EIF3M: variants seen among roughly 807,000 people sequenced by gnomAD.
The protein encoded by EIF3M is B5 receptor.
In EIF3M, 25 loss-of-function variants were observed where a neutral mutation model predicts 49.7. That is an observed-to-expected ratio of 0.50 (90% confidence interval 0.37 to 0.70). EIF3M has a LOEUF of 0.70. Among genes scored for constraint, EIF3M ranks in the 30% least tolerant of loss-of-function variants. EIF3M has a pLI of 0.00. For missense variants in EIF3M, 350 were observed against 440.0 expected (o/e 0.80, Z 1.83); for synonymous variants, 156 against 149.8 (o/e 1.04, Z -0.30).
At chr11:32,592,310 G>C (rs942172948) in intron 5 of EIF3M, 17 of 531,718 alleles carry the variant, frequency 3.2e-5, no homozygotes, top group South Asian at 1.7e-4. Flanking sequence ...ATTTTATCAT[G>C]ATCATCAAAA....
chr11:32,592,680 T>C, intron 5 of EIF3M: 1 of 506,582 alleles, frequency 2.0e-6, no homozygotes, highest in Non-Finnish European at 3.9e-6. Context: ...CTTAAAATGT[T>C]CTCTAAAACT....
Position 32,589,613 on chromosome 11 carries a change from T to C in EIF3M, c.505T>C (p.Tyr169His). Residue 169 changes from tyrosine to histidine, a missense_variant, in exon 5 of 11, where the codon TAT (tyrosine) becomes CAT (histidine). Physicochemically the swap from Tyr to His is moderately conservative, Grantham distance 83. Coordinates refer to ENST00000531120, the MANE Select transcript of EIF3M (RefSeq NM_006360.6). ...AAAGCACACCCTTTTAAGACTACTTTATGAGGCACTTGTGGATTGTAAGAA... is the reference window on the plus strand; with the variant it reads ...AAAGCACACCCTTTTAAGACTACTTCATGAGGCACTTGTGGATTGTAAGAA... ...EKKHTLLRLL[Y>H]EALVDCKKSD... 6.2e-7 allele frequency: 1 copy of C among 1,614,166 alleles called. No homozygotes were observed. Among genetic ancestry groups the C allele is most frequent in the South Asian group, 1.1e-5 (1 of 91,080 alleles).
In EIF3M at chr11:32,588,691, C is replaced by A; in HGVS notation, c.273C>A (p.Val91=). The A allele has an allele frequency of 6.2e-7, 1 of 1,614,166 alleles. No individual in the cohort carries two copies. Among genetic ancestry groups the A allele is most frequent in the Non-Finnish European group, 8.5e-7 (1 of 1,180,044 alleles). ...ALIESLCEKL[V]KFREGERPSL... is the part of the protein sequence containing the mutation. ...TTGAAAGCCTATGTGAAAAGCTGGTCAAATTTCGCGAAGGTGAACGCCCGT... is the reference window on the plus strand; with the variant it reads ...TTGAAAGCCTATGTGAAAAGCTGGTAAAATTTCGCGAAGGTGAACGCCCGT... Residue 91 remains valine (V), a synonymous_variant, in exon 3 of 11, where the codon GTC becomes GTA. Coordinates refer to ENST00000531120, the MANE Select transcript of EIF3M (RefSeq NM_006360.6).
intron 2 of EIF3M, 98 bp from the exon 3 acceptor site, chr11:32,588,496 A>G (rs947264197): frequency 1.5e-6 from 2 of 1,353,290 alleles, no homozygotes; most frequent in Non-Finnish European, 2.0e-6. Flanking sequence ...CTTACATTTG[A>G]TGGTCTTCAT....
In EIF3M at chr11:32,599,416, T is replaced by C. The variant is rs1306736577; in HGVS notation, c.800-1273T>C. ...GAATCTGTGCCAAATAGGAAGCCTG[T>C]ATCATAATTACAGCTAATTAACAGA... On this transcript the variant is annotated intron_variant, in intron 8 of 10. Coordinates refer to ENST00000531120, the MANE Select transcript of EIF3M (RefSeq NM_006360.6). Among the ~76,000 whole-genome samples the C allele has an allele frequency of 2.0e-5, 3 of 152,156 alleles. No homozygotes were observed. In the East Asian group the frequency reaches 5.8e-4, roughly 29 times the overall value.
intron 8 of EIF3M, among the ~76,000 whole-genome samples, chr11:32,596,863 C>A (rs1280938472): frequency 1.3e-5 from 2 of 152,158 alleles, no homozygotes; most frequent in South Asian, 4.2e-4. Flanking sequence ...TCAGATCACA[C>A]TGCTGCACTC....
intron 9 of EIF3M, chr11:32,601,508 A>G: frequency 4.3e-6 from 1 of 234,794 alleles, no homozygotes; most frequent in Non-Finnish European, 8.3e-6. Context: ...CTTTAAAAAA[A>G]AAAAAAAAAA....
intron 3 of EIF3M, 111 bp from the exon 4 acceptor site, chr11:32,588,901 G>A (rs749045406): frequency 1.3e-4 from 199 of 1,532,886 alleles, no homozygotes; most frequent in Non-Finnish European, 1.6e-4. Flanking sequence ...TTCCTCCTTT[G>A]TAATATGAAG....
intron 8 of EIF3M, among the ~76,000 whole-genome samples, chr11:32,599,615 CA>C (rs1198497569): frequency 2.6e-5 from 4 of 151,782 alleles, no homozygotes; most frequent in Non-Finnish European, 5.9e-5. Context: ...TTACATAGTT[CA>C]AAAGTTCAGA....
intron 2 of EIF3M, among the ~76,000 whole-genome samples, chr11:32,588,247 G>A (rs1855031323): frequency 6.6e-6 from 1 of 151,958 alleles, no homozygotes; most frequent in Non-Finnish European, 1.5e-5. Context: ...AAATTAGCCG[G>A]GCGTGGTGGC....
At chr11:32,594,472 A>T (rs997125847) in intron 6 of EIF3M, 1 of 155,482 alleles carries the variant, frequency 6.4e-6, no homozygotes, top group African/African-American at 2.4e-5. Context: ...AAGATCCTTG[A>T]CTTTGAGGTC....
intron 1 of EIF3M, among the ~76,000 whole-genome samples, chr11:32,584,987 C>T (rs1854972501): frequency 6.6e-6 from 1 of 152,202 alleles, no homozygotes; most frequent in African/African-American, 2.4e-5. Context: ...TGTTACTCCA[C>T]TAACACGGAA....
chr11:32,596,760 G>A (rs1418552268), intron 8 of EIF3M, among the ~76,000 whole-genome samples: 1 of 151,994 alleles, frequency 6.6e-6, no homozygotes, highest in Non-Finnish European at 1.5e-5. Context: ...ACAAAAATTA[G>A]TGGGCATGGT....
Position 32,602,705 on chromosome 11 carries a change from GCAAAGA to G in EIF3M, c.*311_*316del. 1.0e-6 allele frequency: 1 copy of G among 981,314 alleles called. No individual in the cohort carries two copies. Among genetic ancestry groups the G allele is most frequent in the Non-Finnish European group, 1.5e-6 (1 of 679,918 alleles). 60.8% of individuals were successfully genotyped at this position (981,314 alleles called of 1,614,324 possible). ...CTTCACATTAGAAAAACTTGGAAAA[GCAAAGA>G]CAAACTGTAGAGCTTTAAATACAAC... On this transcript the variant is annotated 3_prime_UTR_variant, in exon 11 of 11. Transcript: ENST00000531120.
chr11:32,585,282 GAA>G (rs1854978176), intron 1 of EIF3M, among the ~76,000 whole-genome samples: 2 of 152,182 alleles, frequency 1.3e-5, no homozygotes, highest in African/African-American at 4.8e-5. Context: ...GGTTAACTGA[GAA>G]AGTGTTTGGA....
At position 32,587,042 on chromosome 11, in the gene EIF3M, A is replaced by G. The variant is rs1855011362; in HGVS notation, c.73A>G (p.Lys25Glu). ...TGAGCTTCGTGCTTATCTGAAATCT[A>G]AAGGAGCTGAGATTTCAGAAGAGAA... The part of the protein sequence containing the change: ...AAELRAYLKS[K>E]GAEISEENSE... Residue 25 changes from lysine (K) to glutamate (E), a missense_variant, in exon 2 of 11, where the codon AAA becomes GAA. Coordinates refer to ENST00000531120, the MANE Select transcript of EIF3M (RefSeq NM_006360.6). 6.2e-7 allele frequency: 1 copy of G among 1,611,904 alleles called. No individual in the cohort carries two copies. The highest frequency in any genetic ancestry group is 8.5e-7 in the Non-Finnish European group (1 of 1,178,758).
intron 7 of EIF3M, 53 bp downstream of exon 7, chr11:32,595,066 A>G: frequency 3.3e-6 from 5 of 1,498,560 alleles, no homozygotes; most frequent in Non-Finnish European, 4.6e-6. Flanking sequence ...TAAATTTTAC[A>G]TACTGAAGCA....
chr11:32,601,027 C>A, intron 9 of EIF3M, 195 bp downstream of exon 9: 1 of 538,334 alleles, frequency 1.9e-6, no homozygotes, highest in Non-Finnish European at 2.9e-6. Flanking sequence ...ATATTCTATC[C>A]CTTGAAATCA....
In EIF3M at chr11:32,589,005, C is replaced by T. The variant is rs761951404; in HGVS notation, c.315-7C>T. On this transcript the variant is annotated splice_polypyrimidine_tract_variant and splice_region_variant and intron_variant, in intron 3 of 10. Coordinates refer to ENST00000531120, the MANE Select transcript of EIF3M (RefSeq NM_006360.6). ...AAACATTGTTTATTTGTTTGTTAAC[C>T]AACCAGGTTAAGCAACCTTTTCCAC... 3 of 1,611,742 alleles carry T rather than the reference C, an allele frequency of 1.9e-6. No homozygotes were observed. The highest frequency in any genetic ancestry group is 2.2e-5 in the East Asian group (1 of 44,862).
Sources: allele counts gnomAD v4.1 joint callset (sites outside exome capture counted in the v4.1 genomes callset), GRCh38; gene constraint gnomAD v4.1.1; transcripts MANE v1.5; gene names NCBI Gene and HGNC (gene_info 2026-07-23, HGNC 2026-07-21).